The following ROBO2 variants were observed in gnomAD, a reference collection of about 807,000 sequenced individuals.
The protein encoded by ROBO2 is roundabout homolog 2.
ROBO2 carries 53 observed loss-of-function variants against 160.8 expected under a neutral mutation model. The observed-to-expected ratio is 0.33, with a 90% CI of 0.26 to 0.41. The LOEUF is 0.41. ROBO2 is among the 10% of genes least tolerant of loss of function. ROBO2 has a pLI of 1.00. For missense variants in ROBO2, 1,577 were observed against 1,722.4 expected (o/e 0.92, Z 1.49); for synonymous variants, 664 against 611.7 (o/e 1.09, Z -1.26).
chr3:76,384,191 C>A (rs1198373691), intron 2 of ROBO2, among the ~76,000 whole-genome samples: 1 of 152,158 alleles, frequency 6.6e-6, no homozygotes, highest in East Asian at 1.9e-4. Flanking sequence ...AAGTGGTTTT[C>A]TTGTAATTAT....
chr3:77,401,074 T>G (rs145623678), intron 2 of ROBO2, among the ~76,000 whole-genome samples: 1 of 152,220 alleles, frequency 6.6e-6, no homozygotes, highest in East Asian at 1.9e-4. Context: ...ATAGAAGCCA[T>G]GAACATAGAG....
chr3:76,470,627 T>C (rs2078606228), intron 2 of ROBO2, among the ~76,000 whole-genome samples: 1 of 152,136 alleles, frequency 6.6e-6, no homozygotes, highest in African/African-American at 2.4e-5. Flanking sequence ...ACAAAATGTA[T>C]TGACAATGCA....
Position 76,962,431 on chromosome 3 carries a change from G to T in ROBO2, c.110-135583G>T, listed in dbSNP as rs146536743. On this transcript the variant is annotated intron_variant, in intron 2 of 26. Transcript: ENST00000487694. ...AGGCAGGCAGATCACCTGAGGTCAGGATTTCGAGACCAGCCTGACCAACAT... is the reference window on the plus strand; with the variant it reads ...AGGCAGGCAGATCACCTGAGGTCAGTATTTCGAGACCAGCCTGACCAACAT... Among the ~76,000 whole-genome samples the T allele has an allele frequency of 2.9e-3, 443 of 152,046 alleles. 2 individuals are homozygous for T. Among genetic ancestry groups the T allele is most frequent in the African/African-American group, 0.01 (418 of 41,470 alleles).
At chr3:76,507,054 ATTGT>A (rs1201614974) in intron 2 of ROBO2, among the ~76,000 whole-genome samples, 4 of 152,162 alleles carry the variant, frequency 2.6e-5, no homozygotes, top group Non-Finnish European at 5.9e-5. Flanking sequence ...AATAATGTTG[ATTGT>A]TTGCTGTGAA....
chr3:76,116,841 A>AT (rs887330391), intron 2 of ROBO2, among the ~76,000 whole-genome samples: 8 of 152,184 alleles, frequency 5.3e-5, no homozygotes, highest in Admixed American at 1.3e-4. Context: ...TTAGCTGCAT[A>AT]TTTTTTTACT....
At chr3:76,150,759 T>A (rs1305614813) in intron 2 of ROBO2, among the ~76,000 whole-genome samples, 1 of 152,206 alleles carries the variant, frequency 6.6e-6, no homozygotes, top group Non-Finnish European at 1.5e-5. Flanking sequence ...TATTTCTTCA[T>A]GGCACTTTCC....
At chr3:77,238,953 T>C (rs1392054243) in intron 2 of ROBO2, among the ~76,000 whole-genome samples, 1 of 152,128 alleles carries the variant, frequency 6.6e-6, no homozygotes, top group Non-Finnish European at 1.5e-5. Flanking sequence ...CAATCATCCC[T>C]TGGTTCCAGG....
At chr3:76,463,236 C>T (rs1482190193) in intron 2 of ROBO2, among the ~76,000 whole-genome samples, 1 of 152,094 alleles carries the variant, frequency 6.6e-6, no homozygotes, top group East Asian at 1.9e-4. Flanking sequence ...CTCACACATG[C>T]TTTCATCCTT....
At chr3:76,884,325 C>T (rs1234775681) in intron 2 of ROBO2, among the ~76,000 whole-genome samples, 1 of 152,076 alleles carries the variant, frequency 6.6e-6, no homozygotes, top group East Asian at 1.9e-4. Context: ...TCATTTCTGT[C>T]CAAACCTTTA....
At chr3:77,300,143 A>G (rs1408465291) in intron 2 of ROBO2, among the ~76,000 whole-genome samples, 1 of 152,018 alleles carries the variant, frequency 6.6e-6, no homozygotes, top group East Asian at 1.9e-4. Context: ...CAAAAGGGAA[A>G]TTGACATAGA....
intron 15 of ROBO2, among the ~76,000 whole-genome samples, chr3:77,578,992 C>T (rs982976264): frequency 6.6e-6 from 1 of 152,032 alleles, no homozygotes; most frequent in African/African-American, 2.4e-5. Context: ...TATTCCTTCA[C>T]TAAGAACACA....
At chr3:76,301,298 A>G (rs1172572174) in intron 2 of ROBO2, among the ~76,000 whole-genome samples, 1 of 152,140 alleles carries the variant, frequency 6.6e-6, no homozygotes, top group African/African-American at 2.4e-5. Context: ...GAAGAAAGAA[A>G]ATATTTGTTT....
At chr3:76,321,927 A>G (rs755842955) in intron 2 of ROBO2, among the ~76,000 whole-genome samples, 55 of 151,876 alleles carry the variant, frequency 3.6e-4, no homozygotes, top group Non-Finnish European at 6.6e-4. Context: ...ACTTTTTGAT[A>G]TCTTAAAAAC....
chr3:77,524,312 T>C (rs1296400426), intron 6 of ROBO2, among the ~76,000 whole-genome samples: 3 of 150,894 alleles, frequency 2.0e-5, no homozygotes, highest in African/African-American at 4.9e-5. Flanking sequence ...TTATGTAGGA[T>C]GAAAATCTGA....
At chr3:77,040,570 G>C in exon 1 of ROBO2, 1 of 1,423,326 alleles carries the variant, frequency 7.0e-7, no homozygotes, top group African/African-American at 1.4e-5. Context: ...AGCAGCCTTT[G>C]AAGTACCCTC....
At chr3:76,758,065 T>C (rs1263839640) in intron 2 of ROBO2, among the ~76,000 whole-genome samples, 1 of 151,748 alleles carries the variant, frequency 6.6e-6, no homozygotes, top group Non-Finnish European at 1.5e-5. Flanking sequence ...AGATATACTC[T>C]AATATTTCAT....
chr3:76,334,258 G>GT (rs1480030755), intron 2 of ROBO2, among the ~76,000 whole-genome samples: 4 of 151,980 alleles, frequency 2.6e-5, no homozygotes, highest in Non-Finnish European at 5.9e-5. Context: ...ATTTTTTATT[G>GT]TTTTTTTCAC....
intron 2 of ROBO2, among the ~76,000 whole-genome samples, chr3:76,885,960 T>C (rs1222782021): frequency 6.6e-6 from 1 of 152,126 alleles, no homozygotes; most frequent in African/African-American, 2.4e-5. Context: ...GGCAGGTTCA[T>C]GGCCTATGAA....
At chr3:76,348,889 T>G (rs35058506) in intron 2 of ROBO2, among the ~76,000 whole-genome samples, 9,462 of 152,214 alleles carry the variant, frequency 0.062, 828 homozygotes, top group African/African-American at 0.2. Flanking sequence ...TTATGGAGGC[T>G]GGTGAAATGC....
Sources: gnomAD v4.1 joint callset for allele counts (sites outside exome capture counted in the v4.1 genomes callset) on GRCh38, gnomAD v4.1.1 for gene constraint, MANE v1.5 for transcripts, NCBI Gene and HGNC (gene_info 2026-07-23, HGNC 2026-07-21) for gene names.